Variants in CD81 observed in about 807,000 individuals in gnomAD.
The protein encoded by CD81 is CD81 molecule.
In CD81, 10 loss-of-function variants were observed where a neutral mutation model predicts 30.1. The observed-to-expected ratio is 0.33, with a 90% CI of 0.21 to 0.56. The LOEUF is 0.56. CD81 is among the 20% of genes least tolerant of loss of function. CD81 has a pLI of 0.89. For synonymous variants in CD81, 147 were observed against 126.4 expected (o/e 1.16, Z -1.10); for missense variants, 263 against 308.7 (o/e 0.85, Z 1.11).
At chr11:2,395,559 G>C (rs749568704) in intron 5 of CD81, 39 bp downstream of exon 5, 1 of 1,512,112 alleles carries the variant, frequency 6.6e-7, no homozygotes, top group Non-Finnish European at 9.2e-7. Context: ...GCAGGGCCCC[G>C]GGAACCCGGC....
chr11:2,396,957 C>T lies in CD81; in HGVS notation c.*91C>T, dbSNP rs74701050. On this transcript the variant is annotated 3_prime_UTR_variant, in exon 8 of 8. Coordinates refer to ENST00000263645, the MANE Select transcript of CD81 (RefSeq NM_004356.4). ...GGGCCATCACCGCCTGTGTATATAA[C>T]GTTTCCGGTATTACTCTGCTACACG... The T allele has an allele frequency of 6.7e-3, 8,021 of 1,203,848 alleles. 41 individuals are homozygous for T. The highest frequency in any genetic ancestry group is 8.0e-3 in the Non-Finnish European group (6,597 of 822,880). 74.6% of individuals were successfully genotyped at this position (1,203,848 alleles called of 1,614,324 possible). A position where few individuals can be genotyped will look rare whatever the true frequency, so the allele number is the denominator to read the frequency against.
At chr11:2,386,861 A>C (rs1165217229) in intron 1 of CD81, among the ~76,000 whole-genome samples, 1 of 152,154 alleles carries the variant, frequency 6.6e-6, no homozygotes, top group Non-Finnish European at 1.5e-5. Flanking sequence ...AGGCTCTTTC[A>C]GGCCCTGCAG....
At position 2,377,662 on chromosome 11, in the gene CD81, T is replaced by A. The variant is rs773771378; in HGVS notation, c.66+47T>A. 7.6e-7 allele frequency: 1 copy of A among 1,312,524 alleles called. No individual in the cohort carries two copies. The allele number at this position is 1,312,524 out of a possible 1,614,324, so 81.3% of individuals were successfully genotyped here. On this transcript the variant is annotated intron_variant, in intron 1 of 7. Coordinates refer to ENST00000263645, the MANE Select transcript of CD81 (RefSeq NM_004356.4). The surrounding 1 kb of genome is among the most constrained non-coding windows in gnomAD (Gnocchi z 7.7). ...GGGGCGGGAGGGGGCAGGCACACACTCCACGTTGGGCAGGTCCCGCGGCAG... is the reference window on the plus strand; with the variant it reads ...GGGGCGGGAGGGGGCAGGCACACACACCACGTTGGGCAGGTCCCGCGGCAG...
chr11:2,397,374 AAAG>A lies in CD81; in HGVS notation c.*512_*514del, dbSNP rs1850033343. 4.9e-6 allele frequency: 1 copy of A among 203,268 alleles called. No homozygotes were observed. Among genetic ancestry groups the A allele is most frequent in the Admixed American group, 5.3e-5 (1 of 18,792 alleles). The allele number at this position is 203,268 out of a possible 1,614,324, so 12.6% of individuals were successfully genotyped here. A position where few individuals can be genotyped will look rare whatever the true frequency, so the allele number is the denominator to read the frequency against. On this transcript the variant is annotated 3_prime_UTR_variant, in exon 8 of 8. Transcript: ENST00000263645. ...CAACATCCTGACTCCGTCATTTAAT[AAAG>A]AAGGAACATCAGGCATGCTACCAGG... is the stretch of plus-strand genomic sequence containing the variant.
Position 2,396,020 on chromosome 11 carries a change from T to A in CD81, c.561+50T>A, listed in dbSNP as rs375311287. On this transcript the variant is annotated intron_variant, in intron 6 of 7. Transcript: ENST00000263645. ...CCTGACCCCCCGCATGTCCCGCCCC[T>A]GGGTGGGGTCCTAGGGGTGGGCAGG... is the stretch of plus-strand genomic sequence containing the variant. 3 of 1,173,986 alleles carry A rather than the reference T, an allele frequency of 2.6e-6. No individual in the cohort carries two copies. In the African/African-American group the frequency reaches 4.6e-5, roughly 18 times the overall value. The allele number at this position is 1,173,986 out of a possible 1,614,324, so 72.7% of individuals were successfully genotyped here.
chr11:2,393,763 CGGT>C (rs1849944677), intron 2 of CD81: 2 of 607,212 alleles, frequency 3.3e-6, no homozygotes, highest in South Asian at 3.8e-5. Context: ...CAGGTGCAGG[CGGT>C]GGGTGGTGGG....
intron 1 of CD81, among the ~76,000 whole-genome samples, chr11:2,387,225 G>A (rs1198338088): frequency 2.0e-5 from 3 of 152,062 alleles, no homozygotes; most frequent in Non-Finnish European, 4.4e-5. Context: ...TTTTATAGAG[G>A]GGGACACTGA....
In CD81 at chr11:2,397,298, T is replaced by A; in HGVS notation, c.*432T>A. 3.7e-6 allele frequency: 1 copy of A among 272,938 alleles called. No individual in the cohort carries two copies. Among genetic ancestry groups the A allele is most frequent in the Non-Finnish European group, 7.2e-6 (1 of 139,374 alleles). The allele number at this position is 272,938 out of a possible 1,614,324, so 16.9% of individuals were successfully genotyped here. On this transcript the variant is annotated 3_prime_UTR_variant, in exon 8 of 8. Transcript: ENST00000263645. ...TCGAGAGCCGAGTCTGTGGGCACTC[T>A]CTGCCTTCATGCACCTGTCCTTTCT... is the stretch of plus-strand genomic sequence containing the variant.
At chr11:2,396,470 C>A in intron 6 of CD81, 158 bp from the exon 7 acceptor site, 3 of 708,206 alleles carry the variant, frequency 4.2e-6, no homozygotes, top group Non-Finnish European at 7.6e-6. Context: ...AGAGGCCGGG[C>A]CGCTGCACCC....
intron 2 of CD81, chr11:2,393,542 G>A (rs1339226698): frequency 6.0e-6 from 2 of 332,218 alleles, no homozygotes; most frequent in East Asian, 6.1e-5. Context: ...CTGCTGTGCA[G>A]CCCAGATTGG....
Position 2,396,229 on chromosome 11 carries a change from T to C in CD81, c.561+259T>C, listed in dbSNP as rs371715374. On this transcript the variant is annotated intron_variant, in intron 6 of 7. Coordinates refer to ENST00000263645, the MANE Select transcript of CD81 (RefSeq NM_004356.4). ...GTGGGAACTCACCTGCACCCCCAGC[T>C]CCACGTGTGCACTCGTGGGTGTGGA... The C allele has an allele frequency of 6.5e-5, 38 of 583,318 alleles. No homozygotes were observed. In the East Asian group the frequency reaches 8.5e-4, roughly 13 times the overall value. The allele number at this position is 583,318 out of a possible 1,614,324, so 36.1% of individuals were successfully genotyped here.
In CD81 at chr11:2,395,506, A is replaced by G. The variant is rs781372320; in HGVS notation, c.445A>G (p.Thr149Ala). Residue 149 changes from threonine to alanine, a missense_variant, in exon 5 of 8, where the codon ACC becomes GCC. Physicochemically the swap from Thr to Ala is moderately conservative, Grantham distance 58. Transcript: ENST00000263645. ...CAACAACGCCAAGGCTGTGGTGAAGACCTTCCACGAGACGGTGCGGCCCCG... is the reference window on the plus strand; with the variant it reads ...CAACAACGCCAAGGCTGTGGTGAAGGCCTTCCACGAGACGGTGCGGCCCCG... ...DANNAKAVVKTFHETLDCCGS... is the reference protein window; with the variant it reads ...DANNAKAVVKAFHETLDCCGS... The G allele has an allele frequency of 3.1e-6, 5 of 1,612,388 alleles. No homozygotes were observed. The Admixed American group carries it at 8.3e-5, about 27-fold the overall frequency.
rs935632913 is a variant in CD81, at chr11:2,382,496, C to T, written c.66+4881C>T. On this transcript the variant is annotated intron_variant, in intron 1 of 7. Transcript: ENST00000263645. ...ACCACGTTTGGAAAGTTACTGCTTC[C>T]CTCTTCCTCAGCCCCTCGGGCTCCC... 4 of 152,312 alleles carry T rather than the reference C, an allele frequency of 2.6e-5. No individual in the cohort carries two copies. The East Asian group carries it at 7.7e-4, about 29-fold the overall frequency. 9.4% of individuals were successfully genotyped at this position (152,312 alleles called of 1,614,324 possible). A position where few individuals can be genotyped will look rare whatever the true frequency, so the allele number is the denominator to read the frequency against.
In CD81 at chr11:2,397,363, C is replaced by T. The variant is rs1415095732; in HGVS notation, c.*497C>T. 5.0e-6 allele frequency: 1 copy of T among 201,002 alleles called. No homozygotes were observed. The highest frequency in any genetic ancestry group is 1.0e-5 in the Non-Finnish European group (1 of 96,634). The allele number at this position is 201,002 out of a possible 1,614,324, so 12.5% of individuals were successfully genotyped here. Reference sequence around the variant, plus strand: ...AACTGTAATCACAACATCCTGACTCCGTCATTTAATAAAGAAGGAACATCA... The same window carrying T: ...AACTGTAATCACAACATCCTGACTCTGTCATTTAATAAAGAAGGAACATCA... On this transcript the variant is annotated 3_prime_UTR_variant, in exon 8 of 8. Coordinates refer to ENST00000263645, the MANE Select transcript of CD81 (RefSeq NM_004356.4).
Position 2,397,317 on chromosome 11 carries a change from CCTTT to C in CD81, c.*454_*457del, listed in dbSNP as rs995379058. 25 of 241,490 alleles carry C rather than the reference CCTTT, an allele frequency of 1.0e-4. 2 individuals are homozygous for C. The highest frequency in any genetic ancestry group is 1.0e-3 in the South Asian group (20 of 19,676). The allele number at this position is 241,490 out of a possible 1,614,324, so 15.0% of individuals were successfully genotyped here. ...GCACTCTCTGCCTTCATGCACCTGTCCTTTCTAACACGTCGCCTTCAACTGTAAT... is the reference window on the plus strand; with the variant it reads ...GCACTCTCTGCCTTCATGCACCTGTCCTAACACGTCGCCTTCAACTGTAAT... On this transcript the variant is annotated 3_prime_UTR_variant, in exon 8 of 8. Transcript: ENST00000263645.
chr11:2,389,434 AG>A (rs1168776911), intron 1 of CD81, among the ~76,000 whole-genome samples: 1 of 151,830 alleles, frequency 6.6e-6, no homozygotes, highest in Non-Finnish European at 1.5e-5. Flanking sequence ...GTGTGTGCAG[AG>A]GGGGGCCTGG....
chr11:2,388,332 C>T (rs752015525), intron 1 of CD81, among the ~76,000 whole-genome samples: 6 of 146,008 alleles, frequency 4.1e-5, no homozygotes, highest in East Asian at 1.9e-4. Context: ...GAACCCTCAC[C>T]GAGGCCCTAG....
At chr11:2,396,494 T>G (rs1850007513) in intron 6 of CD81, 134 bp from the exon 7 acceptor site, 1 of 811,522 alleles carries the variant, frequency 1.2e-6, no homozygotes, top group African/African-American at 1.7e-5. Flanking sequence ...TGTTCCGAGG[T>G]GGGTAGGGGG....
chr11:2,389,942 G>T (rs1349586274), intron 1 of CD81, among the ~76,000 whole-genome samples: 1 of 152,014 alleles, frequency 6.6e-6, no homozygotes, highest in Non-Finnish European at 1.5e-5. Context: ...CTTGCAGGAG[G>T]GGGCAGTGTT....
Sources: gnomAD v4.1 joint callset for allele counts (sites outside exome capture counted in the v4.1 genomes callset) on GRCh38, gnomAD v4.1.1 for gene constraint, Gnocchi (gnomAD v3.1) non-coding constraint, MANE v1.5 for transcripts, NCBI Gene and HGNC (gene_info 2026-07-23, HGNC 2026-07-21) for gene names.